Variants in ACO2 observed in about 807,000 individuals in gnomAD.
ACO2 encodes the protein aconitate hydratase, mitochondrial.
Under a neutral mutation model 84.5 loss-of-function variants are expected in ACO2, and 31 were observed. The ratio of observed to expected loss-of-function variants is 0.37; its 90% CI spans 0.28 to 0.50. The LOEUF is 0.50. Ranked by LOEUF, ACO2 falls within the 20% of genes least tolerant of loss-of-function variation. The probability of loss-of-function intolerance (pLI) is 0.97; values close to 1 mark genes in which losing one functional copy is unlikely to be tolerated. For missense variants in ACO2, 685 were observed against 1,029.3 expected, an observed-to-expected ratio of 0.67 and a Z score of 4.58; for synonymous variants, 414 against 412.7, an observed-to-expected ratio of 1.00 and a Z score of -0.04.
At chr22:41,478,764 CTTT>C (rs761466511) in intron 1 of ACO2, among the ~76,000 whole-genome samples, 134 of 125,852 alleles carry the variant, frequency 1.1e-3, no homozygotes, top group African/African-American at 3.7e-3. Context: ...CACATATCTT[CTTT>C]TTTTTTTTTT....
At chr22:41,469,894 C>T (rs1481970481) in intron 1 of ACO2, among the ~76,000 whole-genome samples, 1 of 152,202 alleles carries the variant, frequency 6.6e-6, no homozygotes, top group Non-Finnish European at 1.5e-5. Context: ...TCAAGAGTGT[C>T]ACCGAAGTGC....
intron 12 of ACO2, 55 bp from the exon 13 acceptor site, chr22:41,524,791 A>G (rs1469540723): frequency 6.2e-7 from 1 of 1,612,878 alleles, no homozygotes; most frequent in Non-Finnish European, 8.5e-7. Context: ...TGGTAGGTGC[A>G]GGAGACAGGA....
intron 1 of ACO2, among the ~76,000 whole-genome samples, chr22:41,490,962 T>C (rs2066267602): frequency 6.6e-6 from 1 of 151,748 alleles, no homozygotes; most frequent in East Asian, 1.9e-4. Context: ...CAGACTAAAA[T>C]ATTTGGAGAC....
At chr22:41,528,408 CCT>C in intron 17 of ACO2, 69 bp from the exon 18 acceptor site, 1 of 1,575,012 alleles carries the variant, frequency 6.3e-7, no homozygotes, top group Non-Finnish European at 8.6e-7. Context: ...GCCCTGTCTC[CCT>C]GACCCCCCTG....
At chr22:41,520,123 G>A in intron 8 of ACO2, 48 bp from the exon 9 acceptor site, 1 of 1,546,338 alleles carries the variant, frequency 6.5e-7, no homozygotes, top group Non-Finnish European at 8.9e-7. Context: ...CCCGCTTCAA[G>A]GTTTCTTCCC....
chr22:41,479,800 T>G (rs2267432), intron 1 of ACO2, among the ~76,000 whole-genome samples: 1 of 152,112 alleles, frequency 6.6e-6, no homozygotes, highest in Non-Finnish European at 1.5e-5. Flanking sequence ...CTGCTGCCTG[T>G]GGGGCCAGAG....
chr22:41,491,880 A>G (rs946993616), intron 1 of ACO2, among the ~76,000 whole-genome samples: 1 of 152,188 alleles, frequency 6.6e-6, no homozygotes, highest in Admixed American at 6.6e-5. Context: ...GGGTTGGGCA[A>G]TCTGACTATA....
At chr22:41,497,365 G>A (rs1174137982) in intron 1 of ACO2, among the ~76,000 whole-genome samples, 3 of 150,332 alleles carry the variant, frequency 2.0e-5, no homozygotes, top group Non-Finnish European at 4.4e-5. Context: ...CACTGCACCC[G>A]GCCTCTTGCT....
intron 4 of ACO2, among the ~76,000 whole-genome samples, chr22:41,514,066 G>A (rs960746463): frequency 2.0e-5 from 3 of 152,186 alleles, no homozygotes; most frequent in Non-Finnish European, 4.4e-5. Context: ...ATCCTTGTAC[G>A]TGGCAGCATT....
intron 15 of ACO2, 178 bp from the exon 16 acceptor site, chr22:41,527,110 T>C: frequency 1.1e-6 from 1 of 880,048 alleles, no homozygotes; most frequent in Non-Finnish European, 1.7e-6. Context: ...CGTTTGGGTC[T>C]CATTCACGCA....
chr22:41,516,889 AT>A (rs1358545125), intron 6 of ACO2, among the ~76,000 whole-genome samples: 2 of 150,622 alleles, frequency 1.3e-5, no homozygotes, highest in Admixed American at 6.6e-5. Context: ...TGCCTGGCTA[AT>A]TTTTTTTGTA....
Position 41,522,909 on chromosome 22 carries a change from T to C in ACO2, c.1218T>C (p.His406=), listed in dbSNP as rs1044916140. The change falls in exon 10 of 18, where the codon CAT becomes CAC. Residue 406 remains histidine (H), a synonymous_variant. Transcript: ENST00000216254. The part of the protein sequence containing the change: ...SAAVAKQALA[H]GLKCKSQFTI... Reference sequence around the variant, plus strand: ...CTGTGGCCAAGCAGGCACTGGCCCATGGCCTCAAGTGCAAGTCCCAGTTCA... The same window carrying C: ...CTGTGGCCAAGCAGGCACTGGCCCACGGCCTCAAGTGCAAGTCCCAGTTCA... 1.9e-6 allele frequency: 3 copies of C among 1,614,104 alleles called. No homozygotes were observed. Among genetic ancestry groups the C allele is most frequent in the Non-Finnish European group, 2.5e-6 (3 of 1,180,046 alleles).
chr22:41,497,114 G>T (rs2066319633), intron 1 of ACO2, among the ~76,000 whole-genome samples: 1 of 151,700 alleles, frequency 6.6e-6, no homozygotes, highest in African/African-American at 2.4e-5. Flanking sequence ...TGTCACCCAG[G>T]CTGGAGTGAA....
intron 1 of ACO2, among the ~76,000 whole-genome samples, chr22:41,492,803 G>C (rs1237967730): frequency 6.6e-6 from 1 of 151,980 alleles, no homozygotes; most frequent in Non-Finnish European, 1.5e-5. Flanking sequence ...AATTAGCCAG[G>C]CGTCATGGCA....
At chr22:41,483,667 A>G (rs964886694) in intron 1 of ACO2, among the ~76,000 whole-genome samples, 3 of 152,014 alleles carry the variant, frequency 2.0e-5, no homozygotes, top group African/African-American at 7.2e-5. Context: ...AAAAAAAAAA[A>G]AAAAGAAAAT....
intron 1 of ACO2, among the ~76,000 whole-genome samples, chr22:41,491,148 C>T (rs2066268763): frequency 6.6e-6 from 1 of 151,892 alleles, no homozygotes; most frequent in Non-Finnish European, 1.5e-5. Context: ...AGGTGGACAG[C>T]AAACATTCCA....
At chr22:41,516,258 A>G (rs2066475497) in intron 6 of ACO2, 2 of 565,700 alleles carry the variant, frequency 3.5e-6, no homozygotes, top group Non-Finnish European at 6.3e-6. Context: ...CAGAGAGGAC[A>G]GAGGCAGTGG....
chr22:41,474,052 G>A (rs187717040), intron 1 of ACO2, among the ~76,000 whole-genome samples: 1 of 152,258 alleles, frequency 6.6e-6, no homozygotes, highest in Admixed American at 6.5e-5. Context: ...GTCAAAAGGA[G>A]GAGGCAGGGA....
At chr22:41,469,320 A>C (rs556430274) in intron 1 of ACO2, 138 bp downstream of exon 1, 4 of 1,048,192 alleles carry the variant, frequency 3.8e-6, no homozygotes, top group Non-Finnish European at 5.4e-6. Context: ...TGGGCCCGGC[A>C]CCCGTGCCCG....
Sources: allele counts gnomAD v4.1 joint callset (sites outside exome capture counted in the v4.1 genomes callset), GRCh38; gene constraint gnomAD v4.1.1; transcripts MANE v1.5; gene names NCBI Gene and HGNC (gene_info 2026-07-23, HGNC 2026-07-21).